Variants in TUB observed in about 807,000 individuals in gnomAD.
The protein encoded by TUB is tubby protein homolog.
TUB carries 33 observed loss-of-function variants against 59.7 expected under a neutral mutation model. The observed-to-expected ratio is 0.55, with a 90% CI of 0.42 to 0.74. The LOEUF is 0.74. TUB is among the 30% of genes least tolerant of loss of function. The probability of loss-of-function intolerance (pLI) is 0.00; values close to 1 mark genes in which losing one functional copy is unlikely to be tolerated. For missense variants in TUB, 659 were observed against 672.0 expected, an observed-to-expected ratio of 0.98 and a Z score of 0.21; for synonymous variants, 293 against 256.4, an observed-to-expected ratio of 1.14 and a Z score of -1.36.
chr11:8,098,671 C>G, intron 8 of TUB, 87 bp from the exon 9 acceptor site: 1 of 960,544 alleles, frequency 1.0e-6, no homozygotes, highest in Admixed American at 2.0e-5. Flanking sequence ...GAATGTTTTG[C>G]AGGCTCCTCA....
At chr11:8,023,297 G>T (rs1942456751) in intron 1 of TUB, among the ~76,000 whole-genome samples, 3 of 152,200 alleles carry the variant, frequency 2.0e-5, no homozygotes, top group African/African-American at 7.2e-5. Context: ...CAGGGGTGGG[G>T]AAACAGGCCT....
At chr11:8,026,731 G>A (rs1287238121) in intron 1 of TUB, among the ~76,000 whole-genome samples, 1 of 152,038 alleles carries the variant, frequency 6.6e-6, no homozygotes, top group Non-Finnish European at 1.5e-5. Flanking sequence ...CTATTCTAGG[G>A]CCTTTTCAAT....
chr11:8,046,424 A>G (rs2360078), intron 2 of TUB, among the ~76,000 whole-genome samples: 1,606 of 152,254 alleles, frequency 0.011, 25 homozygotes, highest in African/African-American at 0.034. Context: ...CTCAAACTCA[A>G]TGCATCCAAA....
At chr11:8,040,241 T>A (rs1341008793) in intron 2 of TUB, among the ~76,000 whole-genome samples, 1 of 152,232 alleles carries the variant, frequency 6.6e-6, no homozygotes, top group Non-Finnish European at 1.5e-5. Context: ...TGTTTACACA[T>A]GTTGGGGTCC....
upstream of TUB, among the ~76,000 whole-genome samples, chr11:8,037,538 T>C (rs1942665225): frequency 6.6e-6 from 1 of 152,248 alleles, no homozygotes. Context: ...TCACTTTTCC[T>C]TCTGATACTT....
chr11:8,098,086 C>G (rs1211483696), intron 8 of TUB, among the ~76,000 whole-genome samples: 2 of 152,050 alleles, frequency 1.3e-5, no homozygotes, highest in Non-Finnish European at 2.9e-5. Context: ...TGGATCCAAC[C>G]CCAGGGTGTC....
Position 8,054,102 on chromosome 11 carries a change from G to A in TUB, c.203+14410G>A, listed in dbSNP as rs763797310. The stretch of plus-strand genomic sequence containing the variant: ...TGTACTCCAGCCGGGGCGACAGAGC[G>A]AGACTCTGTCTCAAAAAGAAAAAAA... On this transcript the variant is annotated intron_variant, in intron 2 of 12. Transcript: ENST00000305253. Among the ~76,000 whole-genome samples the A allele has an allele frequency of 3.9e-5, 6 of 152,058 alleles. No homozygotes were observed. In the East Asian group the frequency reaches 1.2e-3, roughly 30 times the overall value.
chr11:8,053,178 T>A (rs1033284766), intron 2 of TUB, among the ~76,000 whole-genome samples: 2 of 152,222 alleles, frequency 1.3e-5, no homozygotes, highest in African/African-American at 4.8e-5. Context: ...ATGTGATGTA[T>A]TAGATTAATA....
rs144428404 is a variant in TUB, at chr11:8,074,148, G to GT, written c.204-15461dup. On this transcript the variant is annotated intron_variant, in intron 2 of 12. Coordinates refer to the TUB transcript ENST00000305253. ...TACCAATAGTGTGTGTTTATCGTCTGTCTTCTCTTAACATTGGGGGTGGGG... is the reference window on the plus strand; with the variant it reads ...TACCAATAGTGTGTGTTTATCGTCTGTTCTTCTCTTAACATTGGGGGTGGGG... 1.5e-3 allele frequency among the ~76,000 whole-genome samples: 223 copies of GT among 151,634 alleles called. 6 individuals carry two copies. In the East Asian group the frequency reaches 0.038, roughly 26 times the overall value.
intron 6 of TUB, 120 bp downstream of exon 6, chr11:8,096,926 G>T (rs988298357): frequency 2.6e-6 from 3 of 1,137,950 alleles, no homozygotes; most frequent in Non-Finnish European, 3.9e-6. Context: ...GGCCTCTTAT[G>T]TCCCTCTACC....
intron 2 of TUB, among the ~76,000 whole-genome samples, chr11:8,043,836 T>C (rs1942789547): frequency 6.6e-6 from 1 of 152,186 alleles, no homozygotes; most frequent in African/African-American, 2.4e-5. Flanking sequence ...TACACAAGAT[T>C]ATGTCTTGTA....
At chr11:8,086,520 G>A (rs1204142347) in intron 1 of TUB, among the ~76,000 whole-genome samples, 1 of 152,182 alleles carries the variant, frequency 6.6e-6, no homozygotes, top group Non-Finnish European at 1.5e-5. Context: ...TCACCAGGGA[G>A]AGTTGTTGCG....
In TUB at chr11:8,100,509, A is replaced by G; in HGVS notation, c.1123A>G (p.Asn375Asp). Reference protein sequence around the residue: ...QELAAVCYETNVLGFKGPRKM... With the variant: ...QELAAVCYETDVLGFKGPRKM... ...GTTGCGTTCTCTTTCCCAGGAGACA[A>G]ACGTCTTAGGCTTCAAGGGGCCTCG... Residue 375 changes from asparagine to aspartate, a missense_variant, in exon 10 of 12, where the codon AAC (asparagine) becomes GAC (aspartate). Asn to Asp is a conservative substitution (Grantham distance 23, BLOSUM62 1). Around this residue, in one of 3 missense-constraint regions of TUB, gnomAD observed 226 missense variants for 210.8 expected, o/e 1.07. Transcript: ENST00000299506. 6.2e-7 allele frequency: 1 copy of G among 1,614,002 alleles called. No individual in the cohort carries two copies. Among genetic ancestry groups the G allele is most frequent in the Non-Finnish European group, 8.5e-7 (1 of 1,179,968 alleles).
intron 1 of TUB, among the ~76,000 whole-genome samples, chr11:8,020,101 G>A (rs1942400139): frequency 6.6e-6 from 1 of 152,250 alleles, no homozygotes. Flanking sequence ...TTATTCCTAG[G>A]TTATGCCTGT....
chr11:8,023,352 A>G (rs964742698), intron 1 of TUB, among the ~76,000 whole-genome samples: 2 of 152,182 alleles, frequency 1.3e-5, no homozygotes, highest in African/African-American at 2.4e-5. Context: ...CATTTTTCCA[A>G]CCTACCAAAA....
chr11:8,078,187 T>C (rs187126388), upstream of TUB, among the ~76,000 whole-genome samples: 22 of 152,226 alleles, frequency 1.4e-4, no homozygotes, highest in East Asian at 2.9e-3. Flanking sequence ...AGGGTCTCTG[T>C]TGGGCTGCTT....
chr11:8,086,111 G>T (rs560503208), intron 1 of TUB, among the ~76,000 whole-genome samples: 4 of 152,170 alleles, frequency 2.6e-5, no homozygotes, highest in Non-Finnish European at 4.4e-5. Context: ...GAGACTCCAG[G>T]GTCAGCTGAA....
At chr11:8,091,760 C>G (rs1943784346) in intron 3 of TUB, among the ~76,000 whole-genome samples, 1 of 152,204 alleles carries the variant, frequency 6.6e-6, no homozygotes. Context: ...CCCAGCTGCT[C>G]CTCACAGAGC....
At chr11:8,064,848 G>C (rs754694706) in intron 2 of TUB, among the ~76,000 whole-genome samples, 3 of 152,212 alleles carry the variant, frequency 2.0e-5, no homozygotes, top group African/African-American at 2.4e-5. Flanking sequence ...AACTAGCATA[G>C]GATTTGAAGT....
Sources: allele counts gnomAD v4.1 joint callset (sites outside exome capture counted in the v4.1 genomes callset), GRCh38; gene constraint gnomAD v4.1.1; regional missense constraint gnomAD v4.1.1; transcripts MANE v1.5; gene names NCBI Gene and HGNC (gene_info 2026-07-23, HGNC 2026-07-21).